Variants in SMCO4 observed in about 807,000 individuals in gnomAD.
The protein encoded by SMCO4 is single-pass membrane and coiled-coil domain-containing protein 4.
SMCO4 carries 4 observed loss-of-function variants against 3.6 expected under a neutral mutation model. That is an observed-to-expected ratio of 1.11 (90% CI 0.54 to 2.53). The LOEUF (loss-of-function observed/expected upper bound fraction) is 2.53, where lower values mean the gene tolerates loss of function less well. Among genes scored for constraint, SMCO4 ranks in the 30% most tolerant of loss-of-function variants. SMCO4 has a pLI of 0.02. For missense variants in SMCO4, 70 were observed against 80.8 expected (o/e 0.87, Z 0.51); for synonymous variants, 36 against 35.3 (o/e 1.02, Z -0.07).
At chr11:93,508,220 G>A (rs1948925914) in intron 1 of SMCO4, among the ~76,000 whole-genome samples, 2 of 152,246 alleles carry the variant, frequency 1.3e-5, no homozygotes, top group South Asian at 4.2e-4. Flanking sequence ...GCGGGCAGGT[G>A]AAGGGAGGGG....
chr11:93,530,892 T>C (rs1435121896), intron 1 of SMCO4, among the ~76,000 whole-genome samples: 2 of 152,096 alleles, frequency 1.3e-5, no homozygotes, highest in African/African-American at 4.8e-5. Flanking sequence ...GTCACCAATA[T>C]CTCACATACC....
At chr11:93,520,100 G>A (rs1397515668) in intron 1 of SMCO4, among the ~76,000 whole-genome samples, 1 of 152,176 alleles carries the variant, frequency 6.6e-6, no homozygotes, top group Non-Finnish European at 1.5e-5. Context: ...CATCGCTCAG[G>A]CCTGATGAGA....
chr11:93,491,800 G>A (rs1209159700), intron 2 of SMCO4, among the ~76,000 whole-genome samples: 1 of 152,198 alleles, frequency 6.6e-6, no homozygotes, highest in African/African-American at 2.4e-5. Flanking sequence ...TGGAGCTAGA[G>A]AAACACAACT....
the SMCO4 span, among the ~76,000 whole-genome samples, chr11:93,552,152 CTTT>C: frequency 4.6e-5 from 5 of 109,020 alleles, no homozygotes; most frequent in African/African-American, 1.0e-4. Context: ...CTCATCACTA[CTTT>C]TTTTTTTTTT....
chr11:93,535,420 T>A, intron 1 of SMCO4: 1 of 1,168,186 alleles, frequency 8.6e-7, no homozygotes, highest in Admixed American at 2.1e-5. Context: ...AATAACCAGT[T>A]CTCACTGCTA....
At chr11:93,538,130 GA>G (rs1185559225) in intron 1 of SMCO4, among the ~76,000 whole-genome samples, 1 of 152,234 alleles carries the variant, frequency 6.6e-6, no homozygotes, top group Non-Finnish European at 1.5e-5. Context: ...TCCTACCGAT[GA>G]CAGGACATGC....
At chr11:93,491,047 C>A (rs1234472286) in intron 2 of SMCO4, among the ~76,000 whole-genome samples, 1 of 152,250 alleles carries the variant, frequency 6.6e-6, no homozygotes, top group Non-Finnish European at 1.5e-5. Context: ...TATATACCGT[C>A]ATTCCTTAGA....
intron 1 of SMCO4, among the ~76,000 whole-genome samples, chr11:93,507,930 C>T (rs1948923227): frequency 6.6e-6 from 1 of 152,170 alleles, no homozygotes; most frequent in African/African-American, 2.4e-5. Context: ...AAAAGTAAAA[C>T]AATGTCACTC....
chr11:93,524,893 G>C (rs1450655867), intron 1 of SMCO4, among the ~76,000 whole-genome samples: 1 of 152,058 alleles, frequency 6.6e-6, no homozygotes, highest in Non-Finnish European at 1.5e-5. Flanking sequence ...TCCAACAAAG[G>C]GTATAAACTC....
At chr11:93,484,516 G>T (rs1283690359) in intron 2 of SMCO4, among the ~76,000 whole-genome samples, 1 of 152,046 alleles carries the variant, frequency 6.6e-6, no homozygotes, top group Admixed American at 6.6e-5. Flanking sequence ...CTGTAAAATG[G>T]GTAAGAAACC....
At chr11:93,550,155 A>G in the SMCO4 span, among the ~76,000 whole-genome samples, 1 of 152,222 alleles carries the variant, frequency 6.6e-6, no homozygotes, top group African/African-American at 2.4e-5. Context: ...CAACCAAAGC[A>G]TGCTCTCAAG....
intron 1 of SMCO4, among the ~76,000 whole-genome samples, chr11:93,536,393 G>T (rs909848790): frequency 6.6e-6 from 1 of 152,198 alleles, no homozygotes; most frequent in African/African-American, 2.4e-5. Context: ...TAGTTTATAT[G>T]TCTACCAGTA....
intron 2 of SMCO4, among the ~76,000 whole-genome samples, chr11:93,487,003 T>G (rs1948658142): frequency 6.6e-6 from 1 of 152,182 alleles, no homozygotes; most frequent in Admixed American, 6.5e-5. Context: ...AGCTCCACCA[T>G]CTCTTCTTGT....
At chr11:93,535,041 C>T (rs1949206023) in intron 1 of SMCO4, among the ~76,000 whole-genome samples, 2 of 152,184 alleles carry the variant, frequency 1.3e-5, no homozygotes, top group Admixed American at 6.5e-5. Context: ...TTTTCCAGCA[C>T]GCAATCTTTA....
At chr11:93,479,492 C>A (rs1948566233) in intron 2 of SMCO4, among the ~76,000 whole-genome samples, 1 of 152,188 alleles carries the variant, frequency 6.6e-6, no homozygotes, top group Non-Finnish European at 1.5e-5. Flanking sequence ...CCAGCGCCAG[C>A]TGGACAAAGC....
chr11:93,498,590 G>C (rs937360230), intron 2 of SMCO4, among the ~76,000 whole-genome samples: 1 of 152,100 alleles, frequency 6.6e-6, no homozygotes, highest in Non-Finnish European at 1.5e-5. Context: ...TCTTAACATG[G>C]GTCCAAAATC....
chr11:93,552,658 G>A, the SMCO4 span, among the ~76,000 whole-genome samples: 3 of 150,918 alleles, frequency 2.0e-5, no homozygotes, highest in Non-Finnish European at 2.9e-5. Context: ...TTTTAGTAGA[G>A]ACAGGGTTTC....
intron 1 of SMCO4, among the ~76,000 whole-genome samples, chr11:93,532,185 G>T (rs1383937911): frequency 2.6e-4 from 39 of 152,130 alleles, no homozygotes; most frequent in Admixed American, 2.6e-3. Flanking sequence ...AGTCATACTA[G>T]AATAGGGTGG....
At chr11:93,524,216 T>C (rs545718160) in intron 1 of SMCO4, among the ~76,000 whole-genome samples, 1 of 152,248 alleles carries the variant, frequency 6.6e-6, no homozygotes, top group Non-Finnish European at 1.5e-5. Context: ...CACCAATTTA[T>C]AGGACACAGA....
Sources: gnomAD v4.1 joint callset for allele counts (sites outside exome capture counted in the v4.1 genomes callset) on GRCh38, gnomAD v4.1.1 for gene constraint, MANE v1.5 for transcripts, NCBI Gene and HGNC (gene_info 2026-07-23, HGNC 2026-07-21) for gene names.